The following MS4A6A variants were observed in gnomAD, a reference collection of about 807,000 sequenced individuals.
The protein encoded by MS4A6A is membrane spanning 4-domains A6A, also known as membrane-spanning 4-domains subfamily A member 6A.
Under a neutral mutation model 20.6 loss-of-function variants are expected in MS4A6A, and 19 were observed. The observed-to-expected ratio is 0.92, with a 90% CI of 0.64 to 1.36. The LOEUF (loss-of-function observed/expected upper bound fraction) is 1.36, where lower values mean the gene tolerates loss of function less well. Ranked by LOEUF, MS4A6A falls within the 40% of genes most tolerant of loss-of-function variation. The probability of loss-of-function intolerance (pLI) is 0.00; values close to 1 mark genes in which losing one functional copy is unlikely to be tolerated. For missense variants in MS4A6A, 272 were observed against 261.1 expected, an observed-to-expected ratio of 1.04 and a Z score of -0.29; for synonymous variants, 108 against 105.0, an observed-to-expected ratio of 1.03 and a Z score of -0.17.
chr11:60,172,198 A>T (rs2134751065), downstream of MS4A6A: 3 of 1,613,550 alleles, frequency 1.9e-6, no homozygotes, highest in South Asian at 3.3e-5. Flanking sequence ...GTCATGAGTC[A>T]TTTTTGAGGA....
chr11:60,176,541 C>CAGGT lies in MS4A6A; in HGVS notation c.340-934_340-931dup, dbSNP rs201747468. On this transcript the variant is annotated intron_variant, in intron 4 of 5. Coordinates refer to ENST00000528851, the MANE Select transcript of MS4A6A (RefSeq NM_022349.4). ...AAGAGTACTCTGAGAGCTATAGTTA[C>CAGGT]AGGTAGGTAGGCTCCAGGGCACACC... 8.8e-3 allele frequency among the ~76,000 whole-genome samples: 1,335 copies of CAGGT among 152,244 alleles called. 17 individuals are homozygous for CAGGT. The highest frequency in any genetic ancestry group is 0.03 in the African/African-American group (1,246 of 41,536).
chr11:60,173,935 A>G (rs918807236), intron 5 of MS4A6A, among the ~76,000 whole-genome samples: 2 of 152,362 alleles, frequency 1.3e-5, no homozygotes, highest in East Asian at 1.9e-4. Context: ...GTATTTATAC[A>G]CAGTTAAAGA....
upstream of MS4A6A, chr11:60,183,595 T>C (rs1480819342): frequency 6.5e-6 from 1 of 153,300 alleles, no homozygotes. Context: ...ATAAAAAAAC[T>C]TTTAAAAAAT....
At chr11:60,174,777 C>T (rs766214963) in intron 5 of MS4A6A, among the ~76,000 whole-genome samples, 4 of 152,182 alleles carry the variant, frequency 2.6e-5, no homozygotes, top group Non-Finnish European at 4.4e-5. Flanking sequence ...CAATCATTCT[C>T]AATTACACTC....
At chr11:60,180,889 G>A (rs569480511) in intron 2 of MS4A6A, 95 of 373,774 alleles carry the variant, frequency 2.5e-4, no homozygotes, top group South Asian at 1.9e-3. Context: ...TGTCACATGA[G>A]CCTCATAGAA....
At chr11:60,184,390 G>T (rs991733062), upstream of MS4A6A, 1 of 152,142 alleles carries the variant, frequency 6.6e-6, no homozygotes, top group Non-Finnish European at 1.5e-5. Context: ...CTGCATCTTT[G>T]TCACCCTCAC....
intron 3 of MS4A6A, chr11:60,179,464 A>AGT (rs1288642259): frequency 5.4e-6 from 3 of 560,606 alleles, no homozygotes; most frequent in African/African-American, 3.8e-5. Flanking sequence ...TTTCTCTGTG[A>AGT]GTGTGTGATG....
intron 5 of MS4A6A, among the ~76,000 whole-genome samples, chr11:60,174,843 A>G (rs1265675130): frequency 3.3e-5 from 5 of 151,232 alleles, no homozygotes; most frequent in Non-Finnish European, 7.4e-5. Flanking sequence ...TCTTTCAGCT[A>G]TAACAAAAAG....
chr11:60,172,731 T>C lies in MS4A6A; in HGVS notation c.*270A>G. On this transcript the variant is annotated 3_prime_UTR_variant, in exon 6 of 6. Coordinates refer to ENST00000528851, the MANE Select transcript of MS4A6A (RefSeq NM_022349.4). ...GCAAAGGCACAAACTCATAGCATAA[T>C]GCCAGGCCAGTCATTTAACTTCCCA... is the stretch of plus-strand genomic sequence containing the variant. 8.0e-7 allele frequency: 1 copy of C among 1,247,006 alleles called. No individual in the cohort carries two copies. The highest frequency in any genetic ancestry group is 1.6e-5 in the South Asian group (1 of 61,130). 77.2% of individuals were successfully genotyped at this position (1,247,006 alleles called of 1,614,324 possible). A position where few individuals can be genotyped will look rare whatever the true frequency, so the allele number is the denominator to read the frequency against.
downstream of MS4A6A, chr11:60,172,428 T>G: frequency 7.6e-7 from 1 of 1,311,574 alleles, no homozygotes. Context: ...CATTCTACAC[T>G]CTATAATACA....
intron 4 of MS4A6A, among the ~76,000 whole-genome samples, chr11:60,175,880 C>G (rs1856812615): frequency 6.6e-6 from 1 of 152,092 alleles, no homozygotes; most frequent in Admixed American, 6.6e-5. Flanking sequence ...AATTCTTTCC[C>G]CAGGACAGAT....
Position 60,180,043 on chromosome 11 carries a change from C to A in MS4A6A, c.148-78G>T, listed in dbSNP as rs1565103538. On this transcript the variant is annotated intron_variant, in intron 2 of 5. Coordinates refer to ENST00000528851, the MANE Select transcript of MS4A6A (RefSeq NM_022349.4). ...GGGCCTTTTTGCCGCTCCCATGGCA[C>A]TAATGCATTATCGCCTTCTGCAAGA... 9.3e-6 allele frequency: 13 copies of A among 1,393,806 alleles called. No individual in the cohort carries two copies. The Admixed American group carries it at 2.4e-4, about 26-fold the overall frequency. The allele number at this position is 1,393,806 out of a possible 1,614,324, so 86.3% of individuals were successfully genotyped here.
intron 2 of MS4A6A, chr11:60,181,355 A>C (rs1456880109): frequency 1.2e-5 from 7 of 569,224 alleles, no homozygotes; most frequent in Non-Finnish European, 2.2e-5. Context: ...CAAAGACAAC[A>C]ATAGAAAATC....
At chr11:60,183,431 T>C (rs966652799), upstream of MS4A6A, 11 of 477,316 alleles carry the variant, frequency 2.3e-5, no homozygotes, top group Middle Eastern at 5.1e-4. Context: ...TTCAATAACA[T>C]GTAACTAATA....
Position 60,179,872 on chromosome 11 carries a change from T to C in MS4A6A, c.241A>G (p.Thr81Ala). The C allele has an allele frequency of 6.2e-7, 1 of 1,614,024 alleles. No individual in the cohort carries two copies. Among genetic ancestry groups the C allele is most frequent in the Non-Finnish European group, 8.5e-7 (1 of 1,179,992 alleles). ...AATGGGTAAGCAGAGTTCAACAGTG[T>C]AGAAGTCACTTGGGTAAAATTTGGA... Reference protein sequence around the residue: ...FSPNFTQVTSTLLNSAYPFIG... With the variant: ...FSPNFTQVTSALLNSAYPFIG... Residue 81 changes from threonine to alanine, a missense_variant, in exon 3 of 6, where the codon ACA (threonine) becomes GCA (alanine). Physicochemically the swap from Thr to Ala is moderately conservative, Grantham distance 58 (BLOSUM62 0). Transcript: ENST00000528851.
intron 3 of MS4A6A, among the ~76,000 whole-genome samples, chr11:60,179,265 A>G (rs1447833466): frequency 6.6e-6 from 1 of 152,240 alleles, no homozygotes; most frequent in Non-Finnish European, 1.5e-5. Flanking sequence ...GGAAAGGACT[A>G]CTAAGTCCTT....
intron 2 of MS4A6A, chr11:60,181,010 C>T (rs1359090773): frequency 4.4e-6 from 2 of 453,626 alleles, no homozygotes; most frequent in South Asian, 1.6e-5. Flanking sequence ...ATTCTAGAAA[C>T]CAAAACTCTG....
chr11:60,181,218 G>A lies in MS4A6A; in HGVS notation c.147+363C>T, dbSNP rs546178836. ...ATTTGCAGTGAGGGAAAAATTATTT[G>A]CAAAAAGTCAGTTTGGATTATTAAG... is the stretch of plus-strand genomic sequence containing the variant. On this transcript the variant is annotated intron_variant, in intron 2 of 5. Transcript: ENST00000528851. 11 of 377,584 alleles carry A rather than the reference G, an allele frequency of 2.9e-5. No individual in the cohort carries two copies. In the East Asian group the frequency reaches 6.2e-4, roughly 21 times the overall value. The allele number at this position is 377,584 out of a possible 1,614,324, so 23.4% of individuals were successfully genotyped here.
chr11:60,178,229 T>G, intron 4 of MS4A6A, 31 bp downstream of exon 4: 1 of 1,579,566 alleles, frequency 6.3e-7, no homozygotes, highest in Non-Finnish European at 8.7e-7. Flanking sequence ...TTTTGATCCA[T>G]TGGGTTGTGG....
Sources: gnomAD v4.1 joint callset for allele counts (sites outside exome capture counted in the v4.1 genomes callset) on GRCh38, gnomAD v4.1.1 for gene constraint, MANE v1.5 for transcripts, NCBI Gene and HGNC (gene_info 2026-07-23, HGNC 2026-07-21) for gene names.